Variants in ANP32E observed in about 807,000 individuals in gnomAD.
The protein encoded by ANP32E is acidic nuclear phosphoprotein 32 family member E, also known as acidic leucine-rich nuclear phosphoprotein 32 family member E.
ANP32E carries 14 observed loss-of-function variants against 35.3 expected under a neutral mutation model. That is an observed-to-expected ratio of 0.40 (90% CI 0.26 to 0.62). The LOEUF is 0.62. Ranked by LOEUF, ANP32E falls within the 20% of genes least tolerant of loss-of-function variation. The probability of loss-of-function intolerance (pLI) is 0.45; values close to 1 mark genes in which losing one functional copy is unlikely to be tolerated. For missense variants in ANP32E, 198 were observed against 304.4 expected (o/e 0.65, Z 2.60); for synonymous variants, 89 against 110.4 (o/e 0.81, Z 1.22).
chr1:150,229,383 C>T (rs1469195194), intron 3 of ANP32E, 146 bp from the exon 4 acceptor site: 6 of 550,382 alleles, frequency 1.1e-5, no homozygotes, highest in Admixed American at 1.1e-4. Context: ...CTGCAACCTC[C>T]GCCTCCCGGG....
rs374949854 is a variant in ANP32E at position 150,226,719 on chromosome 1, T to C, written c.570A>G (p.Glu190=). ...CCTCATCCTCATCCTCCTCTTCCTC[T>C]TCCTCCTCCTCTTCCTCATATCCTT... is the stretch of plus-strand genomic sequence containing the variant. The part of the protein sequence containing the change: ...PPEGYEEEEE[E]EEEEDEDEDE... Residue 190 remains glutamate, a synonymous_variant, in exon 5 of 7, where the codon GAA becomes GAG. Coordinates refer to ENST00000583931, the MANE Select transcript of ANP32E (RefSeq NM_030920.5). 1.8e-5 allele frequency: 28 copies of C among 1,562,112 alleles called. No homozygotes were observed. The highest frequency in any genetic ancestry group is 5.6e-5 in the African/African-American group (4 of 70,842).
intron 4 of ANP32E, among the ~76,000 whole-genome samples, chr1:150,228,405 A>G (rs1168197046): frequency 2.6e-5 from 4 of 152,192 alleles, no homozygotes; most frequent in Non-Finnish European, 4.4e-5. Flanking sequence ...AAATCTGTTC[A>G]TCGGGCCGGG....
chr1:150,229,604 G>A (rs902429738), intron 3 of ANP32E, among the ~76,000 whole-genome samples: 3 of 152,136 alleles, frequency 2.0e-5, no homozygotes, highest in African/African-American at 4.8e-5. Flanking sequence ...TCAGCCTCCC[G>A]AGTCGCTGGG....
At position 150,219,632 on chromosome 1, in the gene ANP32E, C is replaced by T. The variant is rs1648182196; in HGVS notation, c.*1059G>A. On this transcript the variant is annotated 3_prime_UTR_variant, in exon 7 of 7. Coordinates refer to ENST00000583931, the MANE Select transcript of ANP32E (RefSeq NM_030920.5). The stretch of plus-strand genomic sequence containing the variant: ...CTTTTGAGGAACACTAACACTGCTT[C>T]CAAAAGCACCCCTGCTTTTCTTTCT... 1 of 152,166 alleles carries T rather than the reference C, an allele frequency of 6.6e-6. No homozygotes were observed. The highest frequency in any genetic ancestry group is 6.6e-5 in the Admixed American group (1 of 15,264). The allele number at this position is 152,166 out of a possible 1,614,324, so 9.4% of individuals were successfully genotyped here.
chr1:150,229,902 G>A (rs781840781), intron 3 of ANP32E, among the ~76,000 whole-genome samples: 5 of 152,340 alleles, frequency 3.3e-5, no homozygotes, highest in South Asian at 4.1e-4. Context: ...GCAAGCCACC[G>A]TGCCCGACCA....
rs1209170499 is a variant in ANP32E, at chr1:150,219,570, A to G, written c.*1121T>C. On this transcript the variant is annotated 3_prime_UTR_variant, in exon 7 of 7. Transcript: ENST00000583931. ...GAGGCCAACATTAAAATTTGACTTT[A>G]ATGTCTTATTAATATATCAACAGGC... 6.6e-6 allele frequency: 1 copy of G among 152,208 alleles called. No individual in the cohort carries two copies. The highest frequency in any genetic ancestry group is 2.4e-5 in the African/African-American group (1 of 41,446). The allele number at this position is 152,208 out of a possible 1,614,324, so 9.4% of individuals were successfully genotyped here.
rs1649277253 is a variant in ANP32E at position 150,230,594 on chromosome 1, C to T, written c.304G>A (p.Asp102Asn). The T allele has an allele frequency of 6.2e-7, 1 of 1,613,442 alleles. No individual in the cohort carries two copies. Among genetic ancestry groups the T allele is most frequent in the African/African-American group, 1.3e-5 (1 of 74,872 alleles). ...YLNLSGNKIK[D>N]LSTVEALQNL... ...ACCAGAGCTTCTACTGTACTGAGAT[C>T]TTTTATTTTGTTTCCACTCAGATTG... The change falls in exon 3 of 7, where the codon GAT becomes AAT. Residue 102 changes from aspartate (D) to asparagine (N), a missense_variant. Physicochemically the swap from Asp to Asn is conservative, Grantham distance 23. Coordinates refer to ENST00000583931, the MANE Select transcript of ANP32E (RefSeq NM_030920.5).
At chr1:150,223,375 G>A (rs1572010351) in intron 5 of ANP32E, 135 bp from the exon 6 acceptor site, 2 of 1,252,982 alleles carry the variant, frequency 1.6e-6, no homozygotes, top group Non-Finnish European at 2.2e-6. Context: ...TCTTATAAAG[G>A]TCCTTTTTAA....
intron 5 of ANP32E, 43 bp from the exon 6 acceptor site, chr1:150,223,283 T>C (rs958520303): frequency 1.1e-5 from 17 of 1,517,496 alleles, no homozygotes; most frequent in Non-Finnish European, 1.4e-5. Context: ...AAAATCCATA[T>C]GATTTTTCAC....
rs112495199 is a variant in ANP32E at position 150,235,851 on chromosome 1, A to G, written c.-65T>C. 5.1e-3 allele frequency: 6,258 copies of G among 1,227,320 alleles called. 214 individuals carry two copies. The African/African-American group carries it at 0.073, about 14-fold the overall frequency. 76.0% of individuals were successfully genotyped at this position (1,227,320 alleles called of 1,614,324 possible). A position where few individuals can be genotyped will look rare whatever the true frequency, so the allele number is the denominator to read the frequency against. The stretch of plus-strand genomic sequence containing the variant: ...TTTCCTGCCTTCCCCAATACCCCCA[A>G]CCCAAAATTTTTAAGAGATTTAGAA... On this transcript the variant is annotated 5_prime_UTR_variant, in exon 1 of 7. Coordinates refer to ENST00000583931, the MANE Select transcript of ANP32E (RefSeq NM_030920.5). The surrounding 1 kb of genome is among the most constrained non-coding windows in gnomAD (Gnocchi z 4.2).
intron 1 of ANP32E, among the ~76,000 whole-genome samples, chr1:150,234,944 C>A (rs1176554820): frequency 2.0e-5 from 3 of 152,242 alleles, no homozygotes; most frequent in African/African-American, 7.2e-5. Context: ...GAAACTACTA[C>A]GTCCCTTATG....
At position 150,230,559 on chromosome 1, in the gene ANP32E, TG is replaced by T. The variant is rs1649274927; in HGVS notation, c.327+11del. ...AAAAAAGCAAGTCCAGAGACAAAAC[TG>T]TTCCACTTACCAGAGCTTCTACTGT... is the stretch of plus-strand genomic sequence containing the variant. On this transcript the variant is annotated intron_variant, in intron 3 of 6. Coordinates refer to ENST00000583931, the MANE Select transcript of ANP32E (RefSeq NM_030920.5). 6.3e-7 allele frequency: 1 copy of T among 1,588,008 alleles called. No individual in the cohort carries two copies. Among genetic ancestry groups the T allele is most frequent in the Non-Finnish European group, 8.6e-7 (1 of 1,168,920 alleles).
chr1:150,223,360 G>T, intron 5 of ANP32E, 120 bp from the exon 6 acceptor site: 1 of 1,330,176 alleles, frequency 7.5e-7, no homozygotes, highest in Non-Finnish European at 1.0e-6. Flanking sequence ...GACAACCTCT[G>T]CCATTCTTAT....
Position 150,235,969 on chromosome 1 carries a change from T to C in ANP32E, c.-183A>G. On this transcript the variant is annotated 5_prime_UTR_variant, in exon 1 of 7. Transcript: ENST00000583931. This position sits in a 1 kb window ranked among gnomAD's most constrained non-coding sequence, Gnocchi z 4.2. The stretch of plus-strand genomic sequence containing the variant: ...GAGAATAGCAAATGGAGTCCAAGAG[T>C]TGGGACTCTAACTCAGCTGCCCCCA... 1 of 595,954 alleles carries C rather than the reference T, an allele frequency of 1.7e-6. No homozygotes were observed. Among genetic ancestry groups the C allele is most frequent in the Non-Finnish European group, 3.0e-6 (1 of 334,890 alleles). 36.9% of individuals were successfully genotyped at this position (595,954 alleles called of 1,614,324 possible). A position where few individuals can be genotyped will look rare whatever the true frequency, so the allele number is the denominator to read the frequency against.
Position 150,235,944 on chromosome 1 carries a change from G to C in ANP32E, c.-158C>G. On this transcript the variant is annotated 5_prime_UTR_variant, in exon 1 of 7. Coordinates refer to ENST00000583931, the MANE Select transcript of ANP32E (RefSeq NM_030920.5). This position sits in a 1 kb window ranked among gnomAD's most constrained non-coding sequence, Gnocchi z 4.2. ...CCAGATAGGTGTGGGGGAGAAAGAA[G>C]AGAATAGCAAATGGAGTCCAAGAGT... The C allele has an allele frequency of 1.6e-6, 1 of 617,870 alleles. No individual in the cohort carries two copies. The allele number at this position is 617,870 out of a possible 1,614,324, so 38.3% of individuals were successfully genotyped here.
At chr1:150,221,477 A>AAGGAAGGGAGGGAGGGAGGG (rs1559993651) in intron 6 of ANP32E, among the ~76,000 whole-genome samples, 1 of 130,198 alleles carries the variant, frequency 7.7e-6, no homozygotes, top group African/African-American at 3.1e-5. Flanking sequence ...GGAAGAGAGG[A>AAGGAAGGGAGGGAGGGAGGG]AGAGAGGAAG....
In ANP32E at chr1:150,223,755, T is replaced by A. The variant is rs587652377; in HGVS notation, c.682-515A>T. 3.2e-4 allele frequency among the ~76,000 whole-genome samples: 48 copies of A among 151,494 alleles called. No individual in the cohort carries two copies. The South Asian group carries it at 3.3e-3, about 10-fold the overall frequency. On this transcript the variant is annotated intron_variant, in intron 5 of 6. Coordinates refer to ENST00000583931, the MANE Select transcript of ANP32E (RefSeq NM_030920.5). ...CTCTTTCCTTTTTATTTATTTATTT[T>A]TTTTTTTGAGACAGAGTTTCGCTCT... is the stretch of plus-strand genomic sequence containing the variant.
intron 5 of ANP32E, among the ~76,000 whole-genome samples, chr1:150,224,569 G>A (rs868922129): frequency 3.8e-4 from 18 of 47,802 alleles, no homozygotes; most frequent in African/African-American, 1.5e-3. Context: ...ACGAAACTCC[G>A]TCTCAAAAAA....
At chr1:150,228,392 C>G (rs1301875925) in intron 4 of ANP32E, among the ~76,000 whole-genome samples, 2 of 152,106 alleles carry the variant, frequency 1.3e-5, no homozygotes, top group Non-Finnish European at 2.9e-5. Context: ...AACCACATTT[C>G]TAAAATCTGT....
Sources: gnomAD v4.1 joint callset for allele counts (sites outside exome capture counted in the v4.1 genomes callset) on GRCh38, gnomAD v4.1.1 for gene constraint, Gnocchi (gnomAD v3.1) non-coding constraint, MANE v1.5 for transcripts, NCBI Gene and HGNC (gene_info 2026-07-23, HGNC 2026-07-21) for gene names.